PLA2G1B: variants seen among roughly 807,000 people sequenced by gnomAD.
PLA2G1B encodes phospholipase A2.
A neutral mutation model predicts 12.5 loss-of-function variants in PLA2G1B; 12 were observed. That is an observed-to-expected ratio of 0.96 (90% CI 0.62 to 1.56). PLA2G1B has a LOEUF of 1.56. Among genes scored for constraint, PLA2G1B ranks in the 40% most tolerant of loss-of-function variants. The pLI is 0.00. For synonymous variants in PLA2G1B, 81 were observed against 73.4 expected (o/e 1.10, Z -0.53); for missense variants, 189 against 186.7 (o/e 1.01, Z -0.07).
At position 120,322,437 on chromosome 12, in the gene PLA2G1B, A is replaced by C. The variant is rs9657946; in HGVS notation, c.323-120T>G. 485 of 867,950 alleles carry C rather than the reference A, an allele frequency of 5.6e-4. 1 individual carries two copies. In the African/African-American group the frequency reaches 7.3e-3, roughly 13 times the overall value. 53.8% of individuals were successfully genotyped at this position (867,950 alleles called of 1,614,324 possible). ...TTCCACTGATGCACATTTAGGGCTG[A>C]CAGATTAAGTGAATACAAGTACATC... is the stretch of plus-strand genomic sequence containing the variant. On this transcript the variant is annotated intron_variant, in intron 3 of 3. Transcript: ENST00000308366.
rs1281917171 is a variant in PLA2G1B at position 120,322,169 on chromosome 12, G to C, written c.*24C>G. The C allele has an allele frequency of 6.2e-7, 1 of 1,612,410 alleles. No homozygotes were observed. The highest frequency in any genetic ancestry group is 8.5e-7 in the Non-Finnish European group (1 of 1,178,942). ...TACAGTGTGAGATGAGGCAGATAGAGGTGATGCTTTTGAGAGGTGATATTC... is the reference window on the plus strand; with the variant it reads ...TACAGTGTGAGATGAGGCAGATAGACGTGATGCTTTTGAGAGGTGATATTC... On this transcript the variant is annotated 3_prime_UTR_variant, in exon 4 of 4. Coordinates refer to ENST00000308366, the MANE Select transcript of PLA2G1B (RefSeq NM_000928.3).
Position 120,324,986 on chromosome 12 carries a change from C to T in PLA2G1B, c.270G>A (p.Pro90=), listed in dbSNP as rs140912639. 51 of 1,613,938 alleles carry T rather than the reference C, an allele frequency of 3.2e-5. 1 individual carries two copies. In the Middle Eastern group the frequency reaches 9.9e-4, roughly 31 times the overall value. The change falls in exon 3 of 4, where the codon CCG becomes CCA. Residue 90 remains proline, a synonymous_variant. Coordinates refer to ENST00000308366, the MANE Select transcript of PLA2G1B (RefSeq NM_000928.3). Reference sequence around the variant, plus strand: ...ACGAGTATGAATAGGTGTGGGTGTACGGGTTGTCCAGCAGAAATTTACAGC... The same window carrying T: ...ACGAGTATGAATAGGTGTGGGTGTATGGGTTGTCCAGCAGAAATTTACAGC... The part of the protein sequence containing the change: ...LDSCKFLLDN[P]YTHTYSYSCS...
intron 1 of PLA2G1B, 161 bp from the exon 2 acceptor site, chr12:120,326,181 AG>A: frequency 2.7e-6 from 1 of 373,080 alleles, no homozygotes; most frequent in Non-Finnish European, 4.3e-6. Context: ...AAGTGGGTAG[AG>A]GTTTTTTTTT....
chr12:120,326,797 C>T lies in PLA2G1B; in HGVS notation c.35-777G>A, dbSNP rs570284498. Among the ~76,000 whole-genome samples, 4 of 151,738 alleles carry T rather than the reference C, an allele frequency of 2.6e-5. No individual in the cohort carries two copies. The East Asian group carries it at 5.8e-4, about 22-fold the overall frequency. On this transcript the variant is annotated intron_variant, in intron 1 of 3. Transcript: ENST00000308366. ...CATCCTGGCTAACACGATGAAACCC[C>T]GTCTTTATTAAAAATACAAAAAAAT...
Position 120,324,681 on chromosome 12 carries a change from A to C in PLA2G1B, c.322+253T>G, listed in dbSNP as rs12230298. Among the ~76,000 whole-genome samples, 839 of 152,090 alleles carry C rather than the reference A, an allele frequency of 5.5e-3. 3 individuals are homozygous for C. The highest frequency in any genetic ancestry group is 0.021 in the South Asian group (101 of 4,818). ...AGACCCTGTCTCTAAACAACAACAA[A>C]AAAAAACCCAAACTGTCACCACTTA... On this transcript the variant is annotated intron_variant, in intron 3 of 3. Coordinates refer to ENST00000308366, the MANE Select transcript of PLA2G1B (RefSeq NM_000928.3).
In PLA2G1B at chr12:120,322,211, C is replaced by G. The variant is rs373127940; in HGVS notation, c.429G>C (p.Lys143Asn). The G allele has an allele frequency of 1.7e-5, 27 of 1,613,972 alleles. No individual in the cohort carries two copies. The highest frequency in any genetic ancestry group is 2.7e-5 in the African/African-American group (2 of 74,910). ...GTGATATTCAACTCTGACAATACTT[C>G]TTGGTGTCCAGGTTCTTGTGTGCCT... is the stretch of plus-strand genomic sequence containing the variant. The part of the protein sequence containing the change: ...YNKAHKNLDT[K>N]KYCQS The change falls in exon 4 of 4, where the codon AAG becomes AAC. Residue 143 changes from lysine to asparagine, a missense_variant. Coordinates refer to ENST00000308366, the MANE Select transcript of PLA2G1B (RefSeq NM_000928.3).
chr12:120,324,366 G>T (rs535944773), intron 3 of PLA2G1B, among the ~76,000 whole-genome samples: 1 of 152,022 alleles, frequency 6.6e-6, no homozygotes, highest in Non-Finnish European at 1.5e-5. Context: ...TGGAAAGATG[G>T]AATGTAAAGA....
intron 1 of PLA2G1B, among the ~76,000 whole-genome samples, chr12:120,326,385 C>G (rs1873349144): frequency 6.9e-6 from 1 of 145,742 alleles, no homozygotes; most frequent in South Asian, 2.2e-4. Flanking sequence ...CTCTGTTGCC[C>G]AGGTTGGAGT....
In PLA2G1B at chr12:120,327,759, A is replaced by C; in HGVS notation, c.-6T>G. On this transcript the variant is annotated 5_prime_UTR_variant, in exon 1 of 4. Coordinates refer to ENST00000308366, the MANE Select transcript of PLA2G1B (RefSeq NM_000928.3). ...GCTAGCACAAGGAGTTTCATCTTGC[A>C]GTCAAGGTGAGAAAAGAACTGAGAT... 2 of 1,613,248 alleles carry C rather than the reference A, an allele frequency of 1.2e-6. No individual in the cohort carries two copies. Among genetic ancestry groups the C allele is most frequent in the Admixed American group, 1.7e-5 (1 of 59,998 alleles).
In PLA2G1B at chr12:120,324,962, C is replaced by G. The variant is rs5637; in HGVS notation, c.294G>C (p.Ser98=). 1 of 1,613,770 alleles carries G rather than the reference C, an allele frequency of 6.2e-7. No individual in the cohort carries two copies. The highest frequency in any genetic ancestry group is 2.2e-5 in the East Asian group (1 of 44,878). The change falls in exon 3 of 4, where the codon TCG becomes TCC. Residue 98 remains serine, a synonymous_variant. Coordinates refer to ENST00000308366, the MANE Select transcript of PLA2G1B (RefSeq NM_000928.3). ...TACAGGTGATTGCCGAGCCAGAGCA[C>G]GAGTATGAATAGGTGTGGGTGTACG... is the stretch of plus-strand genomic sequence containing the variant. ...DNPYTHTYSY[S]CSGSAITCSS...
At chr12:120,326,047 A>G in intron 1 of PLA2G1B, 27 bp from the exon 2 acceptor site, 1 of 1,610,758 alleles carries the variant, frequency 6.2e-7, no homozygotes. Flanking sequence ...CCAGAGTTCA[A>G]ATCGGTCTGC....
intron 3 of PLA2G1B, among the ~76,000 whole-genome samples, chr12:120,323,806 A>T (rs757435534): frequency 6.6e-6 from 1 of 152,190 alleles, no homozygotes; most frequent in Non-Finnish European, 1.5e-5. Context: ...AACAGTAACA[A>T]TAAAGGTTTG....
intron 3 of PLA2G1B, 93 bp downstream of exon 3, chr12:120,324,841 T>G (rs1873305678): frequency 8.1e-6 from 11 of 1,354,182 alleles, no homozygotes; most frequent in Non-Finnish European, 1.2e-5. Flanking sequence ...ACCAAGAAAA[T>G]TAACACTAAA....
chr12:120,327,621 C>T, intron 1 of PLA2G1B, 99 bp downstream of exon 1: 1 of 1,172,016 alleles, frequency 8.5e-7, no homozygotes. Flanking sequence ...CGGGGCTGGC[C>T]ATCCCTGTTT....
At chr12:120,322,799 C>G (rs1873264261) in intron 3 of PLA2G1B, among the ~76,000 whole-genome samples, 1 of 152,104 alleles carries the variant, frequency 6.6e-6, no homozygotes, top group Non-Finnish European at 1.5e-5. Flanking sequence ...GTTGTCCAGG[C>G]TGGTCTCAAA....
At chr12:120,326,121 G>A (rs1367694691) in intron 1 of PLA2G1B, 101 bp from the exon 2 acceptor site, 4 of 1,215,924 alleles carry the variant, frequency 3.3e-6, no homozygotes, top group South Asian at 1.3e-5. Context: ...CCTGACCCCT[G>A]CCAGCTGCCT....
chr12:120,326,096 G>A, intron 1 of PLA2G1B, 76 bp from the exon 2 acceptor site: 1 of 1,504,776 alleles, frequency 6.6e-7, no homozygotes, highest in Admixed American at 1.7e-5. Context: ...GCTCCCTCGG[G>A]TCCCACGCTG....
chr12:120,325,846 A>G lies in PLA2G1B; in HGVS notation c.194+15T>C, dbSNP rs1873331267. On this transcript the variant is annotated intron_variant, in intron 2 of 3. Coordinates refer to ENST00000308366, the MANE Select transcript of PLA2G1B (RefSeq NM_000928.3). ...CCGGCAGGCACTCCAATTTTCCTGCAGGCGGATCACTTACTTGTCCAGTTC... is the reference window on the plus strand; with the variant it reads ...CCGGCAGGCACTCCAATTTTCCTGCGGGCGGATCACTTACTTGTCCAGTTC... The G allele has an allele frequency of 3.1e-6, 5 of 1,612,612 alleles. No individual in the cohort carries two copies. Among genetic ancestry groups the G allele is most frequent in the Middle Eastern group, 3.3e-4 (2 of 6,054 alleles).
chr12:120,324,994 C>T lies in PLA2G1B; in HGVS notation c.262G>A (p.Asp88Asn). 6.2e-7 allele frequency: 1 copy of T among 1,613,958 alleles called. No homozygotes were observed. Residue 88 changes from aspartate to asparagine, a missense_variant, in exon 3 of 4, where the codon GAC becomes AAC. Asp to Asn is a conservative substitution (Grantham distance 23). Coordinates refer to ENST00000308366, the MANE Select transcript of PLA2G1B (RefSeq NM_000928.3). ...GAATAGGTGTGGGTGTACGGGTTGTCCAGCAGAAATTTACAGCTGTCCAGC... is the reference window on the plus strand; with the variant it reads ...GAATAGGTGTGGGTGTACGGGTTGTTCAGCAGAAATTTACAGCTGTCCAGC... ...KKLDSCKFLLDNPYTHTYSYS... is the reference protein window; with the variant it reads ...KKLDSCKFLLNNPYTHTYSYS...
Sources: allele counts gnomAD v4.1 joint callset (sites outside exome capture counted in the v4.1 genomes callset), GRCh38; gene constraint gnomAD v4.1.1; transcripts MANE v1.5; gene names NCBI Gene and HGNC (gene_info 2026-07-23, HGNC 2026-07-21).